Variants in TNIK observed in about 807,000 individuals in gnomAD.
TNIK encodes TRAF2 and NCK interacting kinase, also known as TRAF2 and NCK-interacting protein kinase.
TNIK carries 49 observed loss-of-function variants against 191.3 expected under a neutral mutation model. The ratio of observed to expected loss-of-function variants is 0.26; its 90% CI spans 0.20 to 0.32. The LOEUF is 0.32. Ranked by LOEUF, TNIK falls within the 10% of genes least tolerant of loss-of-function variation. The pLI is 1.00. For missense variants in TNIK, 1,155 were observed against 1,702.3 expected (o/e 0.68, Z 5.66); for synonymous variants, 594 against 600.9 (o/e 0.99, Z 0.17).
chr3:171,094,291 C>T (rs577544103), intron 22 of TNIK, among the ~76,000 whole-genome samples: 48 of 152,136 alleles, frequency 3.2e-4, no homozygotes, highest in African/African-American at 8.0e-4. Flanking sequence ...CCCACCACCA[C>T]GCCCAGCTAA....
chr3:171,148,259 G>A (rs7626060), intron 12 of TNIK, among the ~76,000 whole-genome samples: 78,273 of 152,096 alleles, frequency 0.51, 22,287 homozygotes, highest in Non-Finnish European at 0.62. Flanking sequence ...TGGTCTTTGC[G>A]GACACTGAAA....
At chr3:171,358,173 G>T (rs1025759329) in intron 2 of TNIK, among the ~76,000 whole-genome samples, 9 of 152,146 alleles carry the variant, frequency 5.9e-5, no homozygotes, top group Non-Finnish European at 1.0e-4. Context: ...AATCTCATTT[G>T]TAAAATTGTA....
intron 22 of TNIK, 100 bp from the exon 23 acceptor site, chr3:171,094,068 A>C: frequency 7.3e-7 from 1 of 1,376,848 alleles, no homozygotes; most frequent in South Asian, 1.6e-5. Context: ...TATACATATT[A>C]ATAACATAAA....
chr3:171,098,272 C>A (rs1215386250), intron 22 of TNIK, among the ~76,000 whole-genome samples: 1 of 152,046 alleles, frequency 6.6e-6, no homozygotes, highest in Non-Finnish European at 1.5e-5. Flanking sequence ...GCCTTTCCTT[C>A]CATTCTTTTT....
At chr3:171,263,105 C>G (rs1158342190) in intron 2 of TNIK, among the ~76,000 whole-genome samples, 2 of 152,210 alleles carry the variant, frequency 1.3e-5, no homozygotes, top group Non-Finnish European at 2.9e-5. Flanking sequence ...TGAAAATTCA[C>G]CAGGCTATTC....
intron 12 of TNIK, among the ~76,000 whole-genome samples, chr3:171,152,202 A>G (rs1363044619): frequency 6.6e-6 from 1 of 152,100 alleles, no homozygotes; most frequent in Non-Finnish European, 1.5e-5. Context: ...GATTGCTTGA[A>G]TCTGGGAGGC....
At chr3:171,226,564 TTAATA>T (rs1232397174) in intron 3 of TNIK, among the ~76,000 whole-genome samples, 1 of 152,178 alleles carries the variant, frequency 6.6e-6, no homozygotes, top group Non-Finnish European at 1.5e-5. Flanking sequence ...TTAAACTGAA[TTAATA>T]TAAGGCACAT....
In TNIK at chr3:171,282,334, G is replaced by GTTTTTT. The variant is rs201489240; in HGVS notation, c.124-54119_124-54114dup. ...GAACTATCTGCAGATTCTCTTAATG[G>GTTTTTT]TTTTTTGTTTTTTTTTTTTTTTTTG... On this transcript the variant is annotated intron_variant, in intron 2 of 32. Coordinates refer to ENST00000436636, the MANE Select transcript of TNIK (RefSeq NM_015028.4). Among the ~76,000 whole-genome samples, 53 of 114,518 alleles carry GTTTTTT rather than the reference G, an allele frequency of 4.6e-4. 4 individuals are homozygous for GTTTTTT. The highest frequency in any genetic ancestry group is 5.5e-4 in the Non-Finnish European group (31 of 56,058). The allele number at this position is 114,518 out of a possible 152,430, so 75.1% of individuals were successfully genotyped here.
At chr3:171,085,435 C>T (rs1721225794) in intron 24 of TNIK, among the ~76,000 whole-genome samples, 1 of 152,192 alleles carries the variant, frequency 6.6e-6, no homozygotes, top group Non-Finnish European at 1.5e-5. Flanking sequence ...CGTAGGACTT[C>T]ATTAATTATC....
chr3:171,188,445 G>A (rs1220213963), intron 7 of TNIK, among the ~76,000 whole-genome samples: 1 of 151,784 alleles, frequency 6.6e-6, no homozygotes, highest in East Asian at 1.9e-4. Context: ...AGAAGCAAGA[G>A]TAAATTTAAA....
Position 171,389,880 on chromosome 3 carries a change from T to C in TNIK, c.58-20195A>G, listed in dbSNP as rs1485421571. ...TTTACAACAAATTCCCTGACAACCT[T>C]TCCCTGGAGAAGCCCCTTGTTTCTG... On this transcript the variant is annotated intron_variant, in intron 1 of 32. Coordinates refer to ENST00000436636, the MANE Select transcript of TNIK (RefSeq NM_015028.4). Among the ~76,000 whole-genome samples, 3 of 152,296 alleles carry C rather than the reference T, an allele frequency of 2.0e-5. No individual in the cohort carries two copies. The East Asian group carries it at 5.8e-4, about 29-fold the overall frequency.
intron 18 of TNIK, among the ~76,000 whole-genome samples, chr3:171,115,935 C>G (rs1052656408): frequency 6.6e-6 from 1 of 152,202 alleles, no homozygotes; most frequent in Non-Finnish European, 1.5e-5. Context: ...GAGTCTCATC[C>G]TGTGTGAAGC....
intron 28 of TNIK, among the ~76,000 whole-genome samples, chr3:171,075,540 G>A (rs952878642): frequency 1.3e-5 from 2 of 152,136 alleles, no homozygotes; most frequent in Admixed American, 6.5e-5. Context: ...GCCTGCTATA[G>A]AAAAACATTC....
At chr3:171,314,513 G>A (rs1001218238) in intron 2 of TNIK, among the ~76,000 whole-genome samples, 3 of 152,084 alleles carry the variant, frequency 2.0e-5, no homozygotes, top group South Asian at 2.1e-4. Context: ...GTGGTTTCAC[G>A]GATATGATCT....
At chr3:171,426,504 T>A (rs1333985987) in intron 1 of TNIK, among the ~76,000 whole-genome samples, 2 of 152,058 alleles carry the variant, frequency 1.3e-5, no homozygotes, top group East Asian at 3.9e-4. Flanking sequence ...TGTATACATA[T>A]GTAACAAACC....
intron 3 of TNIK, 143 bp downstream of exon 3, chr3:171,228,022 T>C (rs951489091): frequency 2.2e-6 from 2 of 912,380 alleles, no homozygotes; most frequent in Non-Finnish European, 3.3e-6. Flanking sequence ...GGCTAAGCTA[T>C]GATGTTCAAC....
chr3:171,094,898 T>G (rs1235674916), intron 22 of TNIK, among the ~76,000 whole-genome samples: 2 of 152,178 alleles, frequency 1.3e-5, no homozygotes, highest in Non-Finnish European at 2.9e-5. Flanking sequence ...GGCAGAGTCC[T>G]TGTCTCTTTG....
intron 30 of TNIK, among the ~76,000 whole-genome samples, chr3:171,067,526 C>T (rs987801835): frequency 2.6e-5 from 4 of 151,740 alleles, no homozygotes; most frequent in Non-Finnish European, 5.9e-5. Flanking sequence ...AAAAATTAGC[C>T]GGGCATGATG....
intron 1 of TNIK, among the ~76,000 whole-genome samples, chr3:171,379,750 C>T (rs1371946319): frequency 2.6e-5 from 4 of 152,178 alleles, no homozygotes; most frequent in Admixed American, 2.6e-4. Flanking sequence ...GTGGCTCACG[C>T]CTGTAATCCC....
Sources: allele counts gnomAD v4.1 joint callset (sites outside exome capture counted in the v4.1 genomes callset), GRCh38; gene constraint gnomAD v4.1.1; transcripts MANE v1.5; gene names NCBI Gene and HGNC (gene_info 2026-07-23, HGNC 2026-07-21).